The following MID1 variants were observed in gnomAD, a reference collection of about 807,000 sequenced individuals.
MID1 encodes the protein midline 1.
MID1 carries 7 observed loss-of-function variants against 40.4 expected under a neutral mutation model. That is an observed-to-expected ratio of 0.17 (90% confidence interval 0.10 to 0.33). The LOEUF (loss-of-function observed/expected upper bound fraction) is 0.33, where lower values mean the gene tolerates loss of function less well. Ranked by LOEUF, MID1 falls within the 10% of genes least tolerant of loss-of-function variation. The pLI, the probability that MID1 is intolerant of heterozygous loss-of-function variation, is 1.00. For synonymous variants in MID1, 229 were observed against 221.2 expected (o/e 1.04, Z -0.31); for missense variants, 367 against 558.5 (o/e 0.66, Z 3.46).
At chrX:10,709,882 G>T (rs2043254903) in intron 1 of MID1, among the ~76,000 whole-genome samples, 1 of 112,197 alleles carries the variant, frequency 8.9e-6, no homozygotes, top group Non-Finnish European at 1.9e-5. Flanking sequence ...GAAAGGAAGT[G>T]AAAAAGTCAG....
chrX:10,483,271 G>A (rs1443228317), intron 4 of MID1, among the ~76,000 whole-genome samples: 5 of 111,661 alleles, frequency 4.5e-5, no homozygotes, highest in Non-Finnish European at 5.6e-5. Context: ...CACTGGGAAC[G>A]TCATTTCCAG....
intron 1 of MID1, among the ~76,000 whole-genome samples, chrX:10,713,324 GAT>G (rs1569152744): frequency 1.0e-5 from 1 of 98,309 alleles, no homozygotes; most frequent in African/African-American, 4.3e-5. Flanking sequence ...TAGAGAAGGA[GAT>G]TTTTTTTTTT....
intron 1 of MID1, among the ~76,000 whole-genome samples, chrX:10,672,080 C>T (rs1278696445): frequency 9.0e-6 from 1 of 110,729 alleles, no homozygotes; most frequent in South Asian, 3.9e-4. Context: ...CAAAAATTAG[C>T]TGAGCGTGGT....
chrX:10,812,527 A>G (rs987886503), intron 1 of MID1, among the ~76,000 whole-genome samples: 2 of 111,007 alleles, frequency 1.8e-5, no homozygotes, highest in East Asian at 2.8e-4. Flanking sequence ...AGTGATGCCA[A>G]TATCTTCCTA....
At chrX:10,725,348 G>A (rs2147098961) in intron 1 of MID1, among the ~76,000 whole-genome samples, 1 of 111,510 alleles carries the variant, frequency 9.0e-6, no homozygotes, top group Admixed American at 9.5e-5. Context: ...ATTCGGTTTT[G>A]ATGAAAGAAA....
At chrX:10,685,224 C>T (rs1280671143) in intron 1 of MID1, among the ~76,000 whole-genome samples, 1 of 111,485 alleles carries the variant, frequency 9.0e-6, no homozygotes, top group Non-Finnish European at 1.9e-5. Context: ...TTTTCTATTG[C>T]TGTGTATTTA....
intron 3 of MID1, among the ~76,000 whole-genome samples, chrX:10,498,836 C>T (rs1346299647): frequency 8.9e-6 from 1 of 112,052 alleles, no homozygotes; most frequent in African/African-American, 3.2e-5. Context: ...ATGAACAGGC[C>T]ACTTTTTATC....
chrX:10,650,425 G>A (rs1482026986), intron 1 of MID1, among the ~76,000 whole-genome samples: 3 of 110,053 alleles, frequency 2.7e-5, no homozygotes, highest in Non-Finnish European at 5.7e-5. Context: ...GTTCTCTAAA[G>A]TTTCAGCCTA....
chrX:10,772,046 C>T (rs1005005900), intron 1 of MID1, among the ~76,000 whole-genome samples: 1 of 110,572 alleles, frequency 9.0e-6, no homozygotes, highest in Non-Finnish European at 1.9e-5. Context: ...CTTGCACACG[C>T]ATGTTTATAG....
chrX:10,464,405 T>C (rs747596493), intron 7 of MID1, among the ~76,000 whole-genome samples: 3 of 111,626 alleles, frequency 2.7e-5, no homozygotes, highest in African/African-American at 9.9e-5. Context: ...TCCTTTCATT[T>C]TGGGGATGAG....
intron 1 of MID1, among the ~76,000 whole-genome samples, chrX:10,719,951 G>T (rs1213919343): frequency 1.8e-5 from 2 of 111,742 alleles, no homozygotes; most frequent in Non-Finnish European, 3.8e-5. Context: ...ATGGGGAAAG[G>T]ATTCCCTATT....
At chrX:10,798,431 A>G (rs975387778) in intron 1 of MID1, among the ~76,000 whole-genome samples, 9 of 112,157 alleles carry the variant, frequency 8.0e-5, no homozygotes, top group African/African-American at 2.9e-4. Context: ...TTTATATCCT[A>G]TGAAATGTCT....
intron 1 of MID1, among the ~76,000 whole-genome samples, chrX:10,591,262 T>G (rs1396462701): frequency 8.9e-6 from 1 of 112,317 alleles, no homozygotes; most frequent in Non-Finnish European, 1.9e-5. Context: ...AAAAACAAAT[T>G]TGAATGCCTG....
intron 1 of MID1, among the ~76,000 whole-genome samples, chrX:10,631,103 A>G (rs1316301676): frequency 1.8e-5 from 2 of 111,484 alleles, no homozygotes; most frequent in East Asian, 2.8e-4. Context: ...AATTGAACAT[A>G]AATACTTAAT....
intron 7 of MID1, among the ~76,000 whole-genome samples, chrX:10,462,201 TAACA>T (rs56829666): frequency 0.056 from 6,289 of 112,117 alleles, 335 homozygotes; most frequent in African/African-American, 0.17. Context: ...TCATGAATAC[TAACA>T]AACACTATTA....
intron 1 of MID1, among the ~76,000 whole-genome samples, chrX:10,616,416 T>A (rs1056737317): frequency 1.8e-5 from 2 of 112,267 alleles, no homozygotes; most frequent in African/African-American, 6.5e-5. Context: ...GATCCTCAAA[T>A]CATGTGGGTT....
At position 10,693,352 on chromosome X, in the gene MID1, A is replaced by C. The variant is rs750310754; in HGVS notation, c.-186-72933T>G. 4.6e-5 allele frequency among the ~76,000 whole-genome samples: 5 copies of C among 107,608 alleles called. No individual in the cohort carries two copies. In the South Asian group the frequency reaches 2.1e-3, roughly 46 times the overall value. The allele number at this position is 107,608 out of a possible 115,157, so 93.4% of individuals were successfully genotyped here. A position where few individuals can be genotyped will look rare whatever the true frequency, so the allele number is the denominator to read the frequency against. Reference sequence around the variant, plus strand: ...TGGGACCACAGGTGTGCACCACTGCACTTGGTTAATTTTTTTTTTTTTGGA... The same window carrying C: ...TGGGACCACAGGTGTGCACCACTGCCCTTGGTTAATTTTTTTTTTTTTGGA... On this transcript the variant is annotated intron_variant, in intron 1 of 10. Transcript: ENST00000380785.
chrX:10,509,425 A>G (rs775113884), intron 3 of MID1, among the ~76,000 whole-genome samples: 2 of 112,036 alleles, frequency 1.8e-5, no homozygotes, highest in South Asian at 7.6e-4. Context: ...TTTGCAAACC[A>G]GAAAAGATAG....
chrX:10,596,389 C>T (rs186042874), intron 1 of MID1, among the ~76,000 whole-genome samples: 1 of 112,055 alleles, frequency 8.9e-6, no homozygotes, highest in East Asian at 2.8e-4. Flanking sequence ...TGGCTTGTGA[C>T]CTCACAGTTA....
Sources: gnomAD v4.1 joint callset for allele counts (sites outside exome capture counted in the v4.1 genomes callset) on GRCh38, gnomAD v4.1.1 for gene constraint, MANE v1.5 for transcripts, NCBI Gene and HGNC (gene_info 2026-07-23, HGNC 2026-07-21) for gene names.